ZBTB24: variants seen among roughly 807,000 people sequenced by gnomAD.
The protein encoded by ZBTB24 is zinc finger and BTB domain containing 24.
ZBTB24 carries 32 observed loss-of-function variants against 53.8 expected under a neutral mutation model. The ratio of observed to expected loss-of-function variants is 0.60; its 90% confidence interval spans 0.45 to 0.80. The LOEUF is 0.80. Ranked by LOEUF, ZBTB24 falls within the 30% of genes least tolerant of loss-of-function variation. The probability of loss-of-function intolerance (pLI) is 0.00; values close to 1 mark genes in which losing one functional copy is unlikely to be tolerated. For missense variants in ZBTB24, 722 were observed against 837.1 expected (o/e 0.86, Z 1.70); for synonymous variants, 297 against 306.7 (o/e 0.97, Z 0.33).
rs1282323677 is a variant in ZBTB24 at position 109,467,814 on chromosome 6, A to T, written c.1289-80T>A. Reference sequence around the variant, plus strand: ...TATACATTCAGAATAAGACAAAATTAAAAAAACACTTCGGTTTCACAATAT... The same window carrying T: ...TATACATTCAGAATAAGACAAAATTTAAAAAACACTTCGGTTTCACAATAT... On this transcript the variant is annotated intron_variant, in intron 5 of 6. Transcript: ENST00000230122. 15 of 1,486,950 alleles carry T rather than the reference A, an allele frequency of 1.0e-5. No homozygotes were observed. The East Asian group carries it at 1.9e-4, about 19-fold the overall frequency. The allele number at this position is 1,486,950 out of a possible 1,614,324, so 92.1% of individuals were successfully genotyped here. A position where few individuals can be genotyped will look rare whatever the true frequency, so the allele number is the denominator to read the frequency against.
chr6:109,481,355 C>T lies in ZBTB24; in HGVS notation c.672G>A (p.Glu224=). The change falls in exon 2 of 7, where the codon GAG becomes GAA. Residue 224 remains glutamate, a synonymous_variant. Coordinates refer to ENST00000230122, the MANE Select transcript of ZBTB24 (RefSeq NM_014797.3). ...KEKEESEPTC[E]PSREEEMPVE... is the part of the protein sequence containing the mutation. ...CTGGCATTTCCTCCTCTCTACTTGG[C>T]TCACAAGTAGGCTCCGATTCTTCCT... 6.2e-7 allele frequency: 1 copy of T among 1,614,204 alleles called. No homozygotes were observed. Among genetic ancestry groups the T allele is most frequent in the East Asian group, 2.2e-5 (1 of 44,888 alleles).
chr6:109,482,303 A>C (rs927094343), intron 1 of ZBTB24, among the ~76,000 whole-genome samples: 1 of 151,968 alleles, frequency 6.6e-6, no homozygotes, highest in Non-Finnish European at 1.5e-5. Flanking sequence ...TCATCTATAC[A>C]AAAAATACAA....
intron 5 of ZBTB24, among the ~76,000 whole-genome samples, chr6:109,472,141 T>G (rs1255007773): frequency 6.6e-6 from 1 of 152,094 alleles, no homozygotes; most frequent in South Asian, 2.1e-4. Context: ...AGAGTAGGAC[T>G]GGCACTTCTC....
At position 109,481,098 on chromosome 6, in the gene ZBTB24, G is replaced by A. The variant is rs1227120280; in HGVS notation, c.929C>T (p.Ala310Val). The A allele has an allele frequency of 1.2e-6, 2 of 1,614,154 alleles. No individual in the cohort carries two copies. The highest frequency in any genetic ancestry group is 1.1e-5 in the South Asian group (1 of 91,074). Residue 310 changes from alanine to valine, a missense_variant, in exon 2 of 7, where the codon GCA becomes GTA. Transcript: ENST00000230122. ...ACCTGTGTGGCTCCTCTGGTGGATT[G>A]CTAAAAAGTGATTGTACTTAAAGAC... is the stretch of plus-strand genomic sequence containing the variant. Reference protein sequence around the residue: ...GKVFKYNHFLAIHQRSHTGER... With the variant: ...GKVFKYNHFLVIHQRSHTGER...
intron 2 of ZBTB24, among the ~76,000 whole-genome samples, chr6:109,477,505 C>G (rs919182693): frequency 2.6e-5 from 4 of 152,170 alleles, no homozygotes; most frequent in South Asian, 2.1e-4. Flanking sequence ...ATTGGTGGCA[C>G]CTGCTATCTC....
Position 109,481,819 on chromosome 6 carries a change from CCT to C in ZBTB24, c.206_207del (p.Glu69GlyfsTer34), listed in dbSNP as rs1776423935. On this transcript the variant is annotated frameshift_variant, in exon 2 of 7. Transcript: ENST00000230122. LOFTEE classifies it high-confidence loss of function. ...ATATAAATGGATTGGCCGATTTCCC[CCT>C]CTTCTGCAAACATCATTGAGAAGTA... ...SEYFSMMFAE[E>X]GEIGQSIYML... The C allele has an allele frequency of 1.9e-6, 3 of 1,614,082 alleles. No individual in the cohort carries two copies. Among genetic ancestry groups the C allele is most frequent in the African/African-American group, 2.7e-5 (2 of 74,924 alleles).
chr6:109,470,531 T>C (rs1776143802), intron 5 of ZBTB24, among the ~76,000 whole-genome samples: 1 of 152,060 alleles, frequency 6.6e-6, no homozygotes, highest in Admixed American at 6.5e-5. Flanking sequence ...CAGAATAACA[T>C]GGGGCATGAC....
intron 1 of ZBTB24, among the ~76,000 whole-genome samples, chr6:109,482,816 A>G (rs1244074006): frequency 2.0e-5 from 3 of 152,216 alleles, no homozygotes; most frequent in Non-Finnish European, 4.4e-5. Context: ...GTGGGAACCA[A>G]TGTGAAGAGT....
chr6:109,474,369 G>C (rs372732216), intron 5 of ZBTB24, among the ~76,000 whole-genome samples: 1 of 152,086 alleles, frequency 6.6e-6, no homozygotes, highest in South Asian at 2.1e-4. Context: ...TGGTTCTAGG[G>C]GAGAAAGTGG....
At chr6:109,473,086 C>G (rs1477395607) in intron 5 of ZBTB24, among the ~76,000 whole-genome samples, 1 of 152,186 alleles carries the variant, frequency 6.6e-6, no homozygotes, top group African/African-American at 2.4e-5. Flanking sequence ...AGAATAAAAT[C>G]CAATCTTTAC....
At chr6:109,469,446 A>C (rs1044063888) in intron 5 of ZBTB24, among the ~76,000 whole-genome samples, 1 of 152,234 alleles carries the variant, frequency 6.6e-6, no homozygotes, top group Non-Finnish European at 1.5e-5. Context: ...CAGGAGCAAC[A>C]TCCTGCAGTG....
At chr6:109,477,895 T>C (rs932560718) in intron 2 of ZBTB24, among the ~76,000 whole-genome samples, 1 of 152,092 alleles carries the variant, frequency 6.6e-6, no homozygotes, top group Non-Finnish European at 1.5e-5. Flanking sequence ...CAGGCACCAG[T>C]AAGGACATGG....
Position 109,481,502 on chromosome 6 carries a change from T to G in ZBTB24, c.525A>C (p.Lys175Asn). Residue 175 changes from lysine to asparagine, a missense_variant, in exon 2 of 7, where the codon AAA (lysine) becomes AAC (asparagine). Coordinates refer to ENST00000230122, the MANE Select transcript of ZBTB24 (RefSeq NM_014797.3). ...TTTCTTCCTCTGCAGCCAGTTCTGA[T>G]TTCTCCTCCTGCAATGTATTGACTT... ...PKKVNTLQEEKSELAAEEEIQ... is the reference protein window; with the variant it reads ...PKKVNTLQEENSELAAEEEIQ... 6.2e-7 allele frequency: 1 copy of G among 1,614,246 alleles called. No homozygotes were observed. The highest frequency in any genetic ancestry group is 8.5e-7 in the Non-Finnish European group (1 of 1,180,034).
At position 109,481,408 on chromosome 6, in the gene ZBTB24, G is replaced by A. The variant is rs138617922; in HGVS notation, c.619C>T (p.Leu207=). 103 of 1,614,128 alleles carry A rather than the reference G, an allele frequency of 6.4e-5. No individual in the cohort carries two copies. The highest frequency in any genetic ancestry group is 8.1e-5 in the Non-Finnish European group (96 of 1,180,020). Residue 207 remains leucine (L), a synonymous_variant, in exon 2 of 7, where the codon CTG becomes TTG. Transcript: ENST00000230122. ...TCTTTTGCTGCAATTTGCTCATTCA[G>A]TACACCACTGTCTCCTTTAACCACA... The part of the protein sequence containing the change: ...NFVVKGDSGV[L]NEQIAAKEKE...
At chr6:109,480,257 TAAC>T (rs2115365348) in intron 2 of ZBTB24, among the ~76,000 whole-genome samples, 1 of 152,262 alleles carries the variant, frequency 6.6e-6, no homozygotes, top group Admixed American at 6.5e-5. Flanking sequence ...ATACAAGTGG[TAAC>T]AACAATCTGA....
intron 2 of ZBTB24, among the ~76,000 whole-genome samples, chr6:109,477,285 G>A (rs1322936167): frequency 6.6e-6 from 1 of 152,146 alleles, no homozygotes; most frequent in African/African-American, 2.4e-5. Context: ...ACAGGCATGT[G>A]CCACCACTAC....
At chr6:109,478,265 T>A (rs1729516584) in intron 2 of ZBTB24, among the ~76,000 whole-genome samples, 1 of 152,188 alleles carries the variant, frequency 6.6e-6, no homozygotes, top group Non-Finnish European at 1.5e-5. Context: ...ACGCAGACCT[T>A]GGATATAGAT....
chr6:109,466,505 G>A lies in ZBTB24; in HGVS notation c.1440C>T (p.His480=), dbSNP rs1270417975. 1.2e-6 allele frequency: 2 copies of A among 1,614,002 alleles called. No homozygotes were observed. Among genetic ancestry groups the A allele is most frequent in the African/African-American group, 1.3e-5 (1 of 74,922 alleles). The stretch of plus-strand genomic sequence containing the variant: ...GCTTCTTGCCAGTGTGTAGAATGCA[G>A]TGTCTCCTTTTGGCACTGGAGTCAG... ...SFSDSSAKRR[H]CILHTGKKPF... is the part of the protein sequence containing the mutation. Residue 480 remains histidine (H), a synonymous_variant, in exon 7 of 7, where the codon CAC becomes CAT. Transcript: ENST00000230122.
At chr6:109,478,308 A>C (rs1206113538) in intron 2 of ZBTB24, among the ~76,000 whole-genome samples, 1 of 152,238 alleles carries the variant, frequency 6.6e-6, no homozygotes. Flanking sequence ...TCTTTAGAGG[A>C]ATGCACACTT....
Sources: gnomAD v4.1 joint callset for allele counts (sites outside exome capture counted in the v4.1 genomes callset) on GRCh38, gnomAD v4.1.1 for gene constraint, MANE v1.5 for transcripts, NCBI Gene and HGNC (gene_info 2026-07-23, HGNC 2026-07-21) for gene names.